Variants in NCS1 observed in about 807,000 individuals in gnomAD.
NCS1 encodes neuronal calcium sensor 1, also known as frequenin homolog.
NCS1 carries 6 observed loss-of-function variants against 28.4 expected under a neutral mutation model. The ratio of observed to expected loss-of-function variants is 0.21; its 90% CI spans 0.12 to 0.42. NCS1 has a LOEUF of 0.42. Among genes scored for constraint, NCS1 ranks in the 10% least tolerant of loss-of-function variants. The pLI, the probability that NCS1 is intolerant of heterozygous loss-of-function variation, is 1.00. For synonymous variants in NCS1, 86 were observed against 99.3 expected (o/e 0.87, Z 0.79); for missense variants, 131 against 241.4 (o/e 0.54, Z 3.03).
intron 1 of NCS1, among the ~76,000 whole-genome samples, chr9:130,184,759 C>CTGGGATTACAGGTT (rs1832717605): frequency 6.6e-6 from 1 of 151,722 alleles, no homozygotes; most frequent in Non-Finnish European, 1.5e-5. Context: ...TCCCAAGTAG[C>CTGGGATTACAGGTT]TGGGATTACA....
At chr9:130,228,523 CAT>C (rs1336984385) in intron 7 of NCS1, among the ~76,000 whole-genome samples, 2 of 151,920 alleles carry the variant, frequency 1.3e-5, no homozygotes, top group African/African-American at 2.4e-5. Context: ...TGCACCCAGC[CAT>C]AGATTGGTTT....
At chr9:130,225,744 G>A (rs1588126331) in intron 6 of NCS1, among the ~76,000 whole-genome samples, 2 of 152,348 alleles carry the variant, frequency 1.3e-5, no homozygotes, top group East Asian at 1.9e-4. Flanking sequence ...AGCACAGCTC[G>A]GTTGTGCTCA....
At chr9:130,222,098 G>A (rs1833334578) in intron 4 of NCS1, among the ~76,000 whole-genome samples, 2 of 65,442 alleles carry the variant, frequency 3.1e-5, no homozygotes, top group African/African-American at 5.0e-5. Context: ...ATATGTGTGT[G>A]TGTATATATA....
At chr9:130,173,197 T>C (rs1255509882) in intron 1 of NCS1, among the ~76,000 whole-genome samples, 1 of 93,438 alleles carries the variant, frequency 1.1e-5, no homozygotes, top group African/African-American at 5.6e-5. Flanking sequence ...GCCCCGTTCG[T>C]GTGGGGGGGG....
At position 130,214,161 on chromosome 9, in the gene NCS1, A is replaced by G. The variant is rs187733531; in HGVS notation, c.90-3671A>G. Reference sequence around the variant, plus strand: ...GGACTGGCGTGGAGGCACATATGGTATAGCGTGGTACAGGCTCTGCTGGGA... The same window carrying G: ...GGACTGGCGTGGAGGCACATATGGTGTAGCGTGGTACAGGCTCTGCTGGGA... On this transcript the variant is annotated intron_variant, in intron 2 of 7. Coordinates refer to ENST00000372398, the MANE Select transcript of NCS1 (RefSeq NM_014286.4). Among the ~76,000 whole-genome samples, 302 of 152,330 alleles carry G rather than the reference A, an allele frequency of 2.0e-3. 1 individual carries two copies. Among genetic ancestry groups the G allele is most frequent in the African/African-American group, 7.1e-3 (294 of 41,578 alleles).
intron 1 of NCS1, among the ~76,000 whole-genome samples, chr9:130,187,710 C>T (rs1832757656): frequency 6.6e-6 from 1 of 152,228 alleles, no homozygotes; most frequent in African/African-American, 2.4e-5. Context: ...CTCCATCTAT[C>T]CCTGTGTGGA....
In NCS1 at chr9:130,226,385, A is replaced by C; in HGVS notation, c.475-4A>C. The C allele has an allele frequency of 6.2e-7, 1 of 1,613,760 alleles. No homozygotes were observed. Among genetic ancestry groups the C allele is most frequent in the Non-Finnish European group, 8.5e-7 (1 of 1,179,744 alleles). ...CACCCTCAGCCGCCTCTCTCTGCTC[A>C]CAGAATGCCGACGGGAAGCTGACCC... On this transcript the variant is annotated splice_region_variant and splice_polypyrimidine_tract_variant and intron_variant, in intron 6 of 7. Transcript: ENST00000372398. This position sits in a 1 kb window ranked among gnomAD's most constrained non-coding sequence, Gnocchi z 4.8.
Position 130,175,804 on chromosome 9 carries a change from G to C in NCS1, c.64+3077G>C, listed in dbSNP as rs1554904540. The stretch of plus-strand genomic sequence containing the variant: ...TCAGCCTTCCACCAGCAACAGGTTA[G>C]GGAGAGATGGACAGGGTCACTCTGC... On this transcript the variant is annotated intron_variant, in intron 1 of 7. Transcript: ENST00000372398. This position sits in a 1 kb window ranked among gnomAD's most constrained non-coding sequence, Gnocchi z 4.9. 6.6e-6 allele frequency among the ~76,000 whole-genome samples: 1 copy of C among 152,236 alleles called. No individual in the cohort carries two copies. Among genetic ancestry groups the C allele is most frequent in the African/African-American group, 2.4e-5 (1 of 41,460 alleles).
At chr9:130,193,255 G>T (rs1832839762) in intron 1 of NCS1, among the ~76,000 whole-genome samples, 1 of 152,204 alleles carries the variant, frequency 6.6e-6, no homozygotes, top group Non-Finnish European at 1.5e-5. Flanking sequence ...AGGAGGGGCA[G>T]GGGTGAGGCT....
At chr9:130,228,671 C>CTTTT (rs202118811) in intron 7 of NCS1, among the ~76,000 whole-genome samples, 2 of 141,872 alleles carry the variant, frequency 1.4e-5, no homozygotes, top group Non-Finnish European at 1.5e-5. Context: ...TTCTTTCTTT[C>CTTTT]TTTTTTTTTT....
chr9:130,189,778 G>C (rs1554906020), intron 1 of NCS1, among the ~76,000 whole-genome samples: 2 of 146,200 alleles, frequency 1.4e-5, no homozygotes, highest in African/African-American at 5.1e-5. Flanking sequence ...CTTGAACCCA[G>C]AAGGTGGAGG....
rs1281560353 is a variant in NCS1 at position 130,172,861 on chromosome 9, A to G, written c.64+134A>G. 4.9e-4 allele frequency: 163 copies of G among 332,424 alleles called. 1 individual carries two copies. Among genetic ancestry groups the G allele is most frequent in the African/African-American group, 3.7e-3 (149 of 40,636 alleles). 20.6% of individuals were successfully genotyped at this position (332,424 alleles called of 1,614,324 possible). A position where few individuals can be genotyped will look rare whatever the true frequency, so the allele number is the denominator to read the frequency against. ...CTCCGTCCTCCCCGCCCGGCCTCCA[A>G]TGTGGACCCCTCGGAGGTTCCCGGG... On this transcript the variant is annotated intron_variant, in intron 1 of 7. Transcript: ENST00000372398.
intron 7 of NCS1, among the ~76,000 whole-genome samples, chr9:130,230,781 T>A (rs1225497419): frequency 8.0e-6 from 1 of 125,128 alleles, no homozygotes; most frequent in Non-Finnish European, 1.6e-5. Flanking sequence ...CCTGCCAATC[T>A]TGTACCATCT....
At position 130,191,826 on chromosome 9, in the gene NCS1, C is replaced by T. The variant is rs1210184259; in HGVS notation, c.65-9132C>T. On this transcript the variant is annotated intron_variant, in intron 1 of 7. Coordinates refer to ENST00000372398, the MANE Select transcript of NCS1 (RefSeq NM_014286.4). This position sits in a 1 kb window ranked among gnomAD's most constrained non-coding sequence, Gnocchi z 6.4. The stretch of plus-strand genomic sequence containing the variant: ...AGCAGACGGGGCCCGCCCACCTTTC[C>T]TGCCAGCCGCTGTGTGCCCCAGCCC... Among the ~76,000 whole-genome samples the T allele has an allele frequency of 6.6e-6, 1 of 152,222 alleles. No individual in the cohort carries two copies. Among genetic ancestry groups the T allele is most frequent in the African/African-American group, 2.4e-5 (1 of 41,452 alleles).
chr9:130,217,732 GGA>G, intron 2 of NCS1, 98 bp from the exon 3 acceptor site: 1 of 1,560,314 alleles, frequency 6.4e-7, no homozygotes, highest in Non-Finnish European at 8.8e-7. Flanking sequence ...CTTTGAACAA[GGA>G]GCCACAGCTT....
intron 7 of NCS1, among the ~76,000 whole-genome samples, chr9:130,228,590 G>A (rs1462469796): frequency 6.6e-6 from 1 of 151,122 alleles, no homozygotes; most frequent in African/African-American, 2.4e-5. Flanking sequence ...GCTGTGATGT[G>A]TTATTTTTTT....
chr9:130,220,090 C>G lies in NCS1; in HGVS notation c.307+287C>G, dbSNP rs1833255043. 2.0e-5 allele frequency among the ~76,000 whole-genome samples: 3 copies of G among 152,292 alleles called. No homozygotes were observed. In the South Asian group the frequency reaches 6.2e-4, roughly 32 times the overall value. On this transcript the variant is annotated intron_variant, in intron 4 of 7. Coordinates refer to ENST00000372398, the MANE Select transcript of NCS1 (RefSeq NM_014286.4). Reference sequence around the variant, plus strand: ...GGCACCGGCAGCAGGAAGGAGCTCGCTGAGGCAGGTGGACAGGGAGGGCTG... The same window carrying G: ...GGCACCGGCAGCAGGAAGGAGCTCGGTGAGGCAGGTGGACAGGGAGGGCTG...
intron 2 of NCS1, among the ~76,000 whole-genome samples, chr9:130,213,770 G>A (rs914852038): frequency 6.6e-6 from 1 of 151,884 alleles, no homozygotes; most frequent in Non-Finnish European, 1.5e-5. Context: ...GTAGAGACAG[G>A]GTTTCACCAT....
intron 4 of NCS1, among the ~76,000 whole-genome samples, chr9:130,221,243 C>T (rs896343618): frequency 5.3e-5 from 8 of 150,292 alleles, no homozygotes; most frequent in South Asian, 2.1e-4. Context: ...AGGCTGGTCT[C>T]GAACTCCTGA....
Sources: gnomAD v4.1 joint callset for allele counts (sites outside exome capture counted in the v4.1 genomes callset) on GRCh38, gnomAD v4.1.1 for gene constraint, Gnocchi (gnomAD v3.1) non-coding constraint, MANE v1.5 for transcripts, NCBI Gene and HGNC (gene_info 2026-07-23, HGNC 2026-07-21) for gene names.